DOCK1: variants seen among roughly 807,000 people sequenced by gnomAD.
DOCK1 encodes dedicator of cytokinesis 1, also known as dedicator of cytokinesis protein 1.
DOCK1 carries 138 observed loss-of-function variants against 262.7 expected under a neutral mutation model. The observed-to-expected ratio is 0.53, with a 90% CI of 0.46 to 0.61. The LOEUF is 0.61. Among genes scored for constraint, DOCK1 ranks in the 20% least tolerant of loss-of-function variants. DOCK1 has a pLI of 0.00. For missense variants in DOCK1, 1,908 were observed against 2,370.7 expected, an observed-to-expected ratio of 0.80 and a Z score of 4.05; for synonymous variants, 866 against 867.4, an observed-to-expected ratio of 1.00 and a Z score of 0.03.
intron 27 of DOCK1, among the ~76,000 whole-genome samples, chr10:127,162,251 A>G (rs1460980424): frequency 6.6e-6 from 1 of 152,200 alleles, no homozygotes; most frequent in Non-Finnish European, 1.5e-5. Context: ...CTCCCTGAAT[A>G]TGAACATGCA....
intron 29 of DOCK1, among the ~76,000 whole-genome samples, chr10:127,270,122 C>A (rs534858080): frequency 2.0e-5 from 3 of 152,328 alleles, no homozygotes; most frequent in African/African-American, 7.2e-5. Context: ...ATCCTTCTCT[C>A]CTGTGGCAGG....
chr10:127,382,308 A>C (rs2065870052), intron 37 of DOCK1, among the ~76,000 whole-genome samples: 1 of 152,208 alleles, frequency 6.6e-6, no homozygotes, highest in Admixed American at 6.5e-5. Flanking sequence ...TGTGTTATGG[A>C]GTAAAACTCT....
chr10:127,133,261 T>C (rs994893851), intron 27 of DOCK1, among the ~76,000 whole-genome samples: 3 of 152,216 alleles, frequency 2.0e-5, no homozygotes, highest in Non-Finnish European at 4.4e-5. Context: ...CCAAGACTCA[T>C]AACCAAATAT....
chr10:127,248,444 C>A lies in DOCK1; in HGVS notation c.2949+335C>A, dbSNP rs538990105. ...ATCCATGGATAGTCTCCCATTAACT[C>A]CTATTCATTTATTGGTTGACTTTTT... On this transcript the variant is annotated intron_variant, in intron 28 of 51. Coordinates refer to ENST00000623213, the MANE Select transcript of DOCK1 (RefSeq NM_001290223.2). Among the ~76,000 whole-genome samples, 19 of 152,238 alleles carry A rather than the reference C, an allele frequency of 1.2e-4. No individual in the cohort carries two copies. In the South Asian group the frequency reaches 2.9e-3, roughly 23 times the overall value.
At chr10:127,318,339 A>T (rs1396786174) in intron 29 of DOCK1, among the ~76,000 whole-genome samples, 1 of 152,156 alleles carries the variant, frequency 6.6e-6, no homozygotes, top group Non-Finnish European at 1.5e-5. Flanking sequence ...GAGCAGCCAA[A>T]TGAGATGACA....
chr10:127,297,902 G>T (rs1462295492), intron 29 of DOCK1, among the ~76,000 whole-genome samples: 1 of 152,052 alleles, frequency 6.6e-6, no homozygotes, highest in Non-Finnish European at 1.5e-5. Context: ...TACCTATTGG[G>T]ATGCCTTCTT....
At chr10:127,046,757 C>CAAAAAAAAAAAAAA (rs5788823) in intron 21 of DOCK1, among the ~76,000 whole-genome samples, 1 of 73,348 alleles carries the variant, frequency 1.4e-5, no homozygotes, top group Non-Finnish European at 2.4e-5. Flanking sequence ...CACTACGTCT[C>CAAAAAAAAAAAAAA]AAAAAAAAAA....
At position 126,996,082 on chromosome 10, in the gene DOCK1, A is replaced by G. The variant is rs1410692471; in HGVS notation, c.474-666A>G. Among the ~76,000 whole-genome samples, 3 of 152,066 alleles carry G rather than the reference A, an allele frequency of 2.0e-5. No individual in the cohort carries two copies. In the East Asian group the frequency reaches 5.8e-4, roughly 29 times the overall value. ...TATGTGAATGTGTGTGTGTGTGTAC[A>G]TATGTAGTATGCCTTAGGTGGGGTG... On this transcript the variant is annotated intron_variant, in intron 6 of 51. Coordinates refer to ENST00000623213, the MANE Select transcript of DOCK1 (RefSeq NM_001290223.2).
At position 127,176,413 on chromosome 10, in the gene DOCK1, A is replaced by G. The variant is rs1188474179; in HGVS notation, c.2847+48649A>G. On this transcript the variant is annotated intron_variant, in intron 27 of 51. Coordinates refer to ENST00000623213, the MANE Select transcript of DOCK1 (RefSeq NM_001290223.2). The surrounding 1 kb of genome is among the most constrained non-coding windows in gnomAD (Gnocchi z 4.4). ...CTGACCATGGTTCCTGCATTCAGAA[A>G]CAGCAACAGAGGTGTCAGTGGGACA... 1 of 1,579,960 alleles carries G rather than the reference A, an allele frequency of 6.3e-7. No individual in the cohort carries two copies. The highest frequency in any genetic ancestry group is 1.2e-5 in the South Asian group (1 of 86,566).
intron 4 of DOCK1, among the ~76,000 whole-genome samples, chr10:126,986,806 AG>A (rs2039428987): frequency 6.6e-6 from 1 of 152,146 alleles, no homozygotes; most frequent in East Asian, 1.9e-4. Context: ...GCTGCTTGGG[AG>A]GCTGAAGCAG....
At position 126,995,367 on chromosome 10, in the gene DOCK1, G is replaced by A. The variant is rs1037278317; in HGVS notation, c.474-1381G>A. ...CTGGGCAACACTGAGCACTGGGTGAGCAAGACTCTGTCTGCAATCCCAGCA... is the reference window on the plus strand; with the variant it reads ...CTGGGCAACACTGAGCACTGGGTGAACAAGACTCTGTCTGCAATCCCAGCA... On this transcript the variant is annotated intron_variant, in intron 6 of 51. Transcript: ENST00000623213. This position sits in a 1 kb window ranked among gnomAD's most constrained non-coding sequence, Gnocchi z 5.8. Among the ~76,000 whole-genome samples, 1 of 152,232 alleles carries A rather than the reference G, an allele frequency of 6.6e-6. No individual in the cohort carries two copies. The highest frequency in any genetic ancestry group is 6.5e-5 in the Admixed American group (1 of 15,286).
At position 127,451,546 on chromosome 10, in the gene DOCK1, A is replaced by T; in HGVS notation, c.*119A>T. ...GCCTGTGATGTTAACATTTCGTGCG[A>T]CTGCTTTTTCTTCAAAGGAGTTCAG... On this transcript the variant is annotated 3_prime_UTR_variant, in exon 52 of 52. Transcript: ENST00000623213. 1 of 1,518,216 alleles carries T rather than the reference A, an allele frequency of 6.6e-7. No homozygotes were observed. Among genetic ancestry groups the T allele is most frequent in the Non-Finnish European group, 8.8e-7 (1 of 1,133,954 alleles). The allele number at this position is 1,518,216 out of a possible 1,614,324, so 94.0% of individuals were successfully genotyped here.
chr10:127,131,001 T>G (rs1391800987), intron 27 of DOCK1, among the ~76,000 whole-genome samples: 1 of 152,122 alleles, frequency 6.6e-6, no homozygotes, highest in East Asian at 1.9e-4. Context: ...AACTCTAGGA[T>G]CTCCTTGCTA....
intron 31 of DOCK1, among the ~76,000 whole-genome samples, chr10:127,354,444 C>CG (rs777368449): frequency 7.7e-4 from 118 of 152,276 alleles, no homozygotes; most frequent in Non-Finnish European, 1.3e-3. Flanking sequence ...ACGTTCCCAC[C>CG]GGGGGGAAGA....
intron 22 of DOCK1, among the ~76,000 whole-genome samples, chr10:127,061,458 C>T (rs1334402227): frequency 6.6e-6 from 1 of 152,212 alleles, no homozygotes; most frequent in Non-Finnish European, 1.5e-5. Context: ...CATTAAGGGT[C>T]AGCCTCTGTA....
At chr10:127,224,596 T>C (rs1590017518) in intron 27 of DOCK1, among the ~76,000 whole-genome samples, 1 of 151,384 alleles carries the variant, frequency 6.6e-6, no homozygotes, top group East Asian at 1.9e-4. Flanking sequence ...AGTGCATGCC[T>C]GTAGTCCCAG....
At chr10:127,171,714 A>AT (rs938040354) in intron 27 of DOCK1, among the ~76,000 whole-genome samples, 98 of 151,958 alleles carry the variant, frequency 6.4e-4, no homozygotes, top group Admixed American at 2.1e-3. Flanking sequence ...TTTTATTTTT[A>AT]TTTTTTTGAG....
intron 32 of DOCK1, 43 bp from the exon 33 acceptor site, chr10:127,362,021 C>A (rs2064485957): frequency 1.3e-6 from 2 of 1,548,228 alleles, no homozygotes; most frequent in Non-Finnish European, 1.7e-6. Context: ...TTTTAGAATT[C>A]TATTTTTCTT....
intron 22 of DOCK1, among the ~76,000 whole-genome samples, chr10:127,055,324 C>A (rs568285579): frequency 6.6e-6 from 1 of 152,190 alleles, no homozygotes; most frequent in Non-Finnish European, 1.5e-5. Context: ...ATGGCTTCTG[C>A]CCCTCCCAGC....
Sources: gnomAD v4.1 joint callset for allele counts (sites outside exome capture counted in the v4.1 genomes callset) on GRCh38, gnomAD v4.1.1 for gene constraint, Gnocchi (gnomAD v3.1) non-coding constraint, MANE v1.5 for transcripts, NCBI Gene and HGNC (gene_info 2026-07-23, HGNC 2026-07-21) for gene names.